The following DCDC2 variants were observed in gnomAD, a reference collection of about 807,000 sequenced individuals.
The protein encoded by DCDC2 is doublecortin domain containing 2, also known as doublecortin domain-containing protein 2.
In DCDC2, 40 loss-of-function variants were observed where a neutral mutation model predicts 50.2. The ratio of observed to expected loss-of-function variants is 0.80; its 90% CI spans 0.62 to 1.04. The LOEUF (loss-of-function observed/expected upper bound fraction) is 1.04. Among genes scored for constraint, DCDC2 ranks in the 50% least tolerant of loss-of-function variants. The probability of loss-of-function intolerance (pLI) is 0.00; values close to 1 mark genes in which losing one functional copy is unlikely to be tolerated. For synonymous variants in DCDC2, 234 were observed against 210.6 expected (o/e 1.11, Z -0.96); for missense variants, 570 against 581.9 (o/e 0.98, Z 0.21).
chr6:24,225,061 G>A (rs1022068014), intron 7 of DCDC2, among the ~76,000 whole-genome samples: 3 of 152,128 alleles, frequency 2.0e-5, no homozygotes, highest in African/African-American at 7.2e-5. Flanking sequence ...CCAGCATAAA[G>A]AGCAATGAGA....
chr6:24,340,342 A>G (rs1760132391), intron 2 of DCDC2, among the ~76,000 whole-genome samples: 1 of 152,206 alleles, frequency 6.6e-6, no homozygotes, highest in Non-Finnish European at 1.5e-5. Context: ...TAAAATAGAA[A>G]TAACACAAGG....
chr6:24,181,708 A>C (rs1761076211), intron 8 of DCDC2, among the ~76,000 whole-genome samples: 1 of 152,234 alleles, frequency 6.6e-6, no homozygotes, highest in African/African-American at 2.4e-5. Flanking sequence ...AATATGTCCC[A>C]TGTTAATGTA....
At chr6:24,221,694 C>A (rs1762121668) in intron 7 of DCDC2, among the ~76,000 whole-genome samples, 1 of 152,236 alleles carries the variant, frequency 6.6e-6, no homozygotes, top group Non-Finnish European at 1.5e-5. Flanking sequence ...CCTTGCCTCA[C>A]AATTACCTGT....
the DCDC2 span, among the ~76,000 whole-genome samples, chr6:24,381,438 G>C: frequency 6.6e-6 from 1 of 152,184 alleles, no homozygotes; most frequent in Non-Finnish European, 1.5e-5. Context: ...GAGAGATAGA[G>C]AGACAGAGAC....
chr6:24,257,693 T>TG lies in DCDC2; in HGVS notation c.922+20355dup, dbSNP rs1221790839. Among the ~76,000 whole-genome samples, 6 of 142,136 alleles carry TG rather than the reference T, an allele frequency of 4.2e-5. No homozygotes were observed. In the South Asian group the frequency reaches 6.5e-4, roughly 15 times the overall value. The allele number at this position is 142,136 out of a possible 152,430, so 93.2% of individuals were successfully genotyped here. A position where few individuals can be genotyped will look rare whatever the true frequency, so the allele number is the denominator to read the frequency against. On this transcript the variant is annotated intron_variant, in intron 7 of 9. Transcript: ENST00000378454. ...GAGGCTTGTGGAAGACGCCTGAAGT[T>TG]GGGGAAAAAAAAAAAAGGCCATGAA... is the stretch of plus-strand genomic sequence containing the variant.
chr6:24,382,225 T>C, the DCDC2 span, among the ~76,000 whole-genome samples: 1 of 152,116 alleles, frequency 6.6e-6, no homozygotes, highest in African/African-American at 2.4e-5. Flanking sequence ...ATAAAATTGT[T>C]GCTCATTTTC....
intron 7 of DCDC2, among the ~76,000 whole-genome samples, chr6:24,242,446 G>A (rs1334079375): frequency 6.6e-6 from 1 of 152,068 alleles, no homozygotes; most frequent in Non-Finnish European, 1.5e-5. Context: ...TGTCTACCTG[G>A]AGAAGGTTTA....
chr6:24,383,053 A>G, the DCDC2 span, among the ~76,000 whole-genome samples: 41 of 152,280 alleles, frequency 2.7e-4, 1 homozygote, highest in African/African-American at 9.4e-4. Context: ...TAGGCTGGGC[A>G]TGGTGGCTCA....
At chr6:24,188,223 C>T (rs79537238) in intron 8 of DCDC2, among the ~76,000 whole-genome samples, 2,363 of 152,256 alleles carry the variant, frequency 0.016, 47 homozygotes, top group African/African-American at 0.043. Context: ...ACACTGTGCA[C>T]AGTAGGGCTG....
chr6:24,354,183 C>A (rs998376315), intron 1 of DCDC2, among the ~76,000 whole-genome samples: 15 of 152,220 alleles, frequency 9.9e-5, no homozygotes, highest in African/African-American at 3.6e-4. Context: ...TATTCCATTA[C>A]TATTTGCTCT....
At chr6:24,271,664 G>A (rs901255899) in intron 7 of DCDC2, among the ~76,000 whole-genome samples, 5 of 152,234 alleles carry the variant, frequency 3.3e-5, no homozygotes, top group East Asian at 3.9e-4. Flanking sequence ...TGAGTTCTTG[G>A]CATTCTAAAG....
chr6:24,334,605 G>T (rs1284957890), intron 2 of DCDC2, among the ~76,000 whole-genome samples: 1 of 150,876 alleles, frequency 6.6e-6, no homozygotes, highest in Non-Finnish European at 1.5e-5. Flanking sequence ...CAGTAAACAT[G>T]TAACTTAGAG....
intron 7 of DCDC2, among the ~76,000 whole-genome samples, chr6:24,246,829 G>C (rs553013678): frequency 1.3e-5 from 2 of 151,466 alleles, no homozygotes; most frequent in African/African-American, 4.9e-5. Context: ...GAAAGACAGA[G>C]GGTTGTTGTT....
intron 8 of DCDC2, among the ~76,000 whole-genome samples, chr6:24,190,179 T>C (rs1048162502): frequency 3.3e-5 from 5 of 152,068 alleles, no homozygotes; most frequent in Non-Finnish European, 7.4e-5. Context: ...AGAGTGAAGC[T>C]GTGGCCAGTC....
intron 2 of DCDC2, among the ~76,000 whole-genome samples, chr6:24,332,829 G>A (rs558593595): frequency 2.8e-4 from 42 of 152,230 alleles, no homozygotes; most frequent in African/African-American, 9.1e-4. Context: ...CTGTGCACAA[G>A]ACACTGTGTT....
At chr6:24,207,579 G>A (rs1321273932) in intron 7 of DCDC2, among the ~76,000 whole-genome samples, 4 of 152,034 alleles carry the variant, frequency 2.6e-5, no homozygotes, top group Non-Finnish European at 4.4e-5. Context: ...ATATGAAAGC[G>A]CTGCTGGTGA....
intron 7 of DCDC2, among the ~76,000 whole-genome samples, chr6:24,212,005 A>AT (rs2113767362): frequency 6.6e-6 from 1 of 152,278 alleles, no homozygotes; most frequent in South Asian, 2.1e-4. Flanking sequence ...GTACAGCAGG[A>AT]GGTGAGCGGC....
chr6:24,223,489 C>T (rs1364217813), intron 7 of DCDC2, among the ~76,000 whole-genome samples: 1 of 152,180 alleles, frequency 6.6e-6, no homozygotes, highest in African/African-American at 2.4e-5. Flanking sequence ...TTTTGTGAGA[C>T]TCATGCAGGT....
Position 24,278,165 on chromosome 6 carries a change from G to A in DCDC2, c.806C>T (p.Ser269Leu), listed in dbSNP as rs370613808. Reference protein sequence around the residue: ...SKSTVGSSDNSSPQPLKRKGK... With the variant: ...SKSTVGSSDNLSPQPLKRKGK... ...TTTCCTCTTCAGGGGCTGAGGAGAT[G>A]AGTTGTCACTGGATCCAACTGTTGA... Residue 269 changes from serine to leucine, a missense_variant, in exon 7 of 10, where the codon TCA (serine) becomes TTA (leucine). Ser to Leu is a moderately radical substitution (Grantham distance 145, BLOSUM62 -2). Transcript: ENST00000378454. The A allele has an allele frequency of 5.6e-6, 9 of 1,613,562 alleles. No individual in the cohort carries two copies. The African/African-American group carries it at 1.1e-4, about 19-fold the overall frequency.
Sources: gnomAD v4.1 joint callset for allele counts (sites outside exome capture counted in the v4.1 genomes callset) on GRCh38, gnomAD v4.1.1 for gene constraint, MANE v1.5 for transcripts, NCBI Gene and HGNC (gene_info 2026-07-23, HGNC 2026-07-21) for gene names.